MAN2A1: variants seen among roughly 807,000 people sequenced by gnomAD.
MAN2A1 encodes the protein alpha-mannosidase 2.
In MAN2A1, 76 loss-of-function variants were observed where a neutral mutation model predicts 142.6. The ratio of observed to expected loss-of-function variants is 0.53; its 90% CI spans 0.44 to 0.65. The LOEUF (loss-of-function observed/expected upper bound fraction) is 0.65, where lower values mean the gene tolerates loss of function less well. Among genes scored for constraint, MAN2A1 ranks in the 30% least tolerant of loss-of-function variants. The pLI is 0.00. For missense variants in MAN2A1, 1,311 were observed against 1,365.1 expected, an observed-to-expected ratio of 0.96 and a Z score of 0.62; for synonymous variants, 559 against 473.2, an observed-to-expected ratio of 1.18 and a Z score of -2.35.
chr5:109,812,646 AT>A (rs1287339775), intron 12 of MAN2A1, among the ~76,000 whole-genome samples: 3 of 152,122 alleles, frequency 2.0e-5, no homozygotes, highest in African/African-American at 7.2e-5. Flanking sequence ...ATGAGCTCTA[AT>A]TTTTGCTTTA....
At chr5:109,796,310 A>G (rs1352222961) in intron 12 of MAN2A1, among the ~76,000 whole-genome samples, 1 of 152,216 alleles carries the variant, frequency 6.6e-6, no homozygotes, top group Admixed American at 6.5e-5. Context: ...TGCAGAAAAT[A>G]TGAAAACTCC....
At chr5:109,811,959 C>A (rs1383852609) in intron 12 of MAN2A1, among the ~76,000 whole-genome samples, 1 of 151,946 alleles carries the variant, frequency 6.6e-6, no homozygotes, top group Non-Finnish European at 1.5e-5. Flanking sequence ...TTTATACATG[C>A]CTTACACAAA....
rs937697210 is a variant in MAN2A1, at chr5:109,754,551, C to T, written c.708-778C>T. Among the ~76,000 whole-genome samples, 38 of 152,164 alleles carry T rather than the reference C, an allele frequency of 2.5e-4. 1 individual carries two copies. The highest frequency in any genetic ancestry group is 4.9e-4 in the Non-Finnish European group (33 of 68,026). ...TTTTTAGGGTAGTTTGCATGATCAA[C>T]TTATCAGTGTCAGAAGGACTAAAGT... On this transcript the variant is annotated intron_variant, in intron 4 of 21. Transcript: ENST00000261483.
chr5:109,798,720 C>T (rs747868787), intron 12 of MAN2A1, among the ~76,000 whole-genome samples: 6 of 152,062 alleles, frequency 3.9e-5, no homozygotes, highest in South Asian at 4.1e-4. Flanking sequence ...ATCGCTCTGT[C>T]GCCCAGGCTG....
chr5:109,756,147 G>C (rs1752682127), intron 5 of MAN2A1, among the ~76,000 whole-genome samples: 4 of 151,960 alleles, frequency 2.6e-5, no homozygotes, highest in Non-Finnish European at 5.9e-5. Flanking sequence ...TGGAGAGCAG[G>C]GTCAGCTGCA....
At chr5:109,697,912 T>G (rs1442799496) in intron 1 of MAN2A1, among the ~76,000 whole-genome samples, 1 of 152,244 alleles carries the variant, frequency 6.6e-6, no homozygotes, top group Non-Finnish European at 1.5e-5. Flanking sequence ...ATCTACATGT[T>G]TCATAGATTT....
intron 19 of MAN2A1, among the ~76,000 whole-genome samples, chr5:109,851,173 G>T (rs1264220718): frequency 6.6e-6 from 1 of 152,222 alleles, no homozygotes; most frequent in Non-Finnish European, 1.5e-5. Context: ...TCTGCAGAGA[G>T]TCAGTAAAAA....
chr5:109,784,681 A>G, intron 9 of MAN2A1, 63 bp from the exon 10 acceptor site: 2 of 1,308,896 alleles, frequency 1.5e-6, no homozygotes, highest in Non-Finnish European at 2.1e-6. Context: ...TCAATGTCAC[A>G]AGTTTTAGAT....
intron 4 of MAN2A1, among the ~76,000 whole-genome samples, chr5:109,739,102 A>G (rs572772227): frequency 1.6e-4 from 25 of 152,248 alleles, no homozygotes; most frequent in South Asian, 1.2e-3. Flanking sequence ...TCAGCCTCCC[A>G]AAGTGCTGGG....
chr5:109,815,515 C>T (rs1354982689), intron 12 of MAN2A1, among the ~76,000 whole-genome samples: 1 of 152,148 alleles, frequency 6.6e-6, no homozygotes, highest in Non-Finnish European at 1.5e-5. Context: ...ATACTGTAAG[C>T]CTAATAGGAA....
At position 109,781,568 on chromosome 5, in the gene MAN2A1, G is replaced by A. The variant is rs754216087; in HGVS notation, c.1547G>A (p.Arg516Gln). Reference protein sequence around the residue: ...GYFTSRPFYKRMDRIMESHLR... With the variant: ...GYFTSRPFYKQMDRIMESHLR... The stretch of plus-strand genomic sequence containing the variant: ...TTTACATCCAGACCCTTTTACAAAC[G>A]AATGGACAGAATCATGGAATCTCAT... Residue 516 changes from arginine to glutamine, a missense_variant, in exon 9 of 22, where the codon CGA becomes CAA. Arg to Gln is a conservative substitution (Grantham distance 43). Transcript: ENST00000261483. 5.6e-6 allele frequency: 9 copies of A among 1,605,526 alleles called. No homozygotes were observed. Among genetic ancestry groups the A allele is most frequent in the South Asian group, 1.1e-5 (1 of 88,748 alleles).
At position 109,844,780 on chromosome 5, in the gene MAN2A1, G is replaced by T. The variant is rs1437894533; in HGVS notation, c.2701-1085G>T. Among the ~76,000 whole-genome samples, 4 of 152,250 alleles carry T rather than the reference G, an allele frequency of 2.6e-5. No individual in the cohort carries two copies. The East Asian group carries it at 7.7e-4, about 29-fold the overall frequency. ...ATACAGCGTTCTCCCTATGCCTCTT[G>T]TATCTGTCTGTCTGTGTCCAAATTT... On this transcript the variant is annotated intron_variant, in intron 17 of 21. Transcript: ENST00000261483.
At chr5:109,744,730 T>C (rs1423835561) in intron 4 of MAN2A1, among the ~76,000 whole-genome samples, 2 of 152,054 alleles carry the variant, frequency 1.3e-5, no homozygotes, top group African/African-American at 2.4e-5. Flanking sequence ...TTAAAATATA[T>C]ACCATGTGAT....
At chr5:109,799,365 A>G (rs918997286) in intron 12 of MAN2A1, among the ~76,000 whole-genome samples, 6 of 152,140 alleles carry the variant, frequency 3.9e-5, no homozygotes, top group African/African-American at 1.2e-4. Flanking sequence ...CAATGACTCT[A>G]TTCAGAACAC....
At chr5:109,747,203 AT>A (rs950685856) in intron 4 of MAN2A1, among the ~76,000 whole-genome samples, 29 of 151,436 alleles carry the variant, frequency 1.9e-4, no homozygotes, top group Admixed American at 1.3e-4. Context: ...TCTATGTTTA[AT>A]TTTTTTTTAA....
At chr5:109,734,048 T>C (rs1031719007) in intron 4 of MAN2A1, among the ~76,000 whole-genome samples, 9 of 152,326 alleles carry the variant, frequency 5.9e-5, no homozygotes, top group Non-Finnish European at 1.2e-4. Context: ...GCTCCTGTTA[T>C]TGGTCTATTC....
intron 6 of MAN2A1, among the ~76,000 whole-genome samples, chr5:109,769,548 C>T (rs1472768201): frequency 6.6e-6 from 1 of 152,178 alleles, no homozygotes; most frequent in Non-Finnish European, 1.5e-5. Context: ...TAGCTTTTAA[C>T]TACTAGGTAG....
chr5:109,706,301 A>G (rs1039799903), intron 1 of MAN2A1, among the ~76,000 whole-genome samples: 10 of 152,220 alleles, frequency 6.6e-5, no homozygotes, highest in Non-Finnish European at 1.0e-4. Context: ...ATTATGACAC[A>G]TACTATCTGG....
chr5:109,866,154 CT>C (rs543625806), intron 21 of MAN2A1, among the ~76,000 whole-genome samples: 257 of 152,256 alleles, frequency 1.7e-3, no homozygotes, highest in South Asian at 4.4e-3. Context: ...ATTTTTATTA[CT>C]TTTTTATTAT....
Sources: allele counts gnomAD v4.1 joint callset (sites outside exome capture counted in the v4.1 genomes callset), GRCh38; gene constraint gnomAD v4.1.1; transcripts MANE v1.5; gene names NCBI Gene and HGNC (gene_info 2026-07-23, HGNC 2026-07-21).